PDE10A: variants seen among roughly 807,000 people sequenced by gnomAD.
PDE10A encodes phosphodiesterase 10A.
In PDE10A, 39 loss-of-function variants were observed where a neutral mutation model predicts 97.7. That is an observed-to-expected ratio of 0.40 (90% CI 0.31 to 0.52). PDE10A has a LOEUF of 0.52. PDE10A is among the 20% of genes least tolerant of loss of function. PDE10A has a pLI of 0.56. For missense variants in PDE10A, 731 were observed against 1,047.8 expected (o/e 0.70, Z 4.17); for synonymous variants, 371 against 376.8 (o/e 0.98, Z 0.18).
chr6:165,714,537 C>A (rs1373818995), intron 1 of PDE10A, among the ~76,000 whole-genome samples: 1 of 152,226 alleles, frequency 6.6e-6, no homozygotes, highest in Admixed American at 6.5e-5. Flanking sequence ...GATGTGGCAA[C>A]CCCAGGGGCT....
chr6:165,836,759 A>G (rs1409151451), intron 1 of PDE10A, among the ~76,000 whole-genome samples: 1 of 152,110 alleles, frequency 6.6e-6, no homozygotes, highest in African/African-American at 2.4e-5. Context: ...CTCCCATGGT[A>G]CCTCTGAATT....
intron 13 of PDE10A, among the ~76,000 whole-genome samples, chr6:165,404,523 C>T (rs1051362727): frequency 4.4e-4 from 67 of 152,026 alleles, no homozygotes; most frequent in African/African-American, 1.6e-3. Context: ...GAATTTCAAG[C>T]TAAAAACTTA....
chr6:165,435,193 T>C (rs766260875), intron 6 of PDE10A, 44 bp downstream of exon 6: 8 of 1,505,798 alleles, frequency 5.3e-6, no homozygotes, highest in Middle Eastern at 1.7e-4. Context: ...CTTAATTAAA[T>C]ACTTTAGGTC....
intron 1 of PDE10A, among the ~76,000 whole-genome samples, chr6:165,943,319 G>A (rs1377141992): frequency 0.011 from 1,073 of 101,392 alleles, 81 homozygotes; most frequent in South Asian, 0.016. Flanking sequence ...AGGAAGGAAG[G>A]AAAGAAAGAA....
At chr6:165,389,246 A>G (rs1785514250) in intron 16 of PDE10A, among the ~76,000 whole-genome samples, 1 of 152,200 alleles carries the variant, frequency 6.6e-6, no homozygotes, top group African/African-American at 2.4e-5. Context: ...CAGTGTTACC[A>G]TCTTGCTTAT....
At chr6:165,490,750 T>C (rs1047216262) in intron 2 of PDE10A, among the ~76,000 whole-genome samples, 24 of 151,184 alleles carry the variant, frequency 1.6e-4, no homozygotes, top group African/African-American at 5.6e-4. Context: ...AGGACAGGAG[T>C]TCAAGACCAG....
intron 1 of PDE10A, among the ~76,000 whole-genome samples, chr6:165,795,228 C>A (rs143617008): frequency 6.6e-6 from 1 of 152,318 alleles, no homozygotes; most frequent in Admixed American, 6.5e-5. Context: ...TTTCTCTCTT[C>A]TCTACTTTTC....
chr6:165,523,340 G>A (rs1782243074), intron 2 of PDE10A, among the ~76,000 whole-genome samples: 1 of 152,084 alleles, frequency 6.6e-6, no homozygotes, highest in Non-Finnish European at 1.5e-5. Context: ...GAACATGGCT[G>A]GAGGCATCAC....
At chr6:165,550,690 G>A (rs1040669187) in intron 1 of PDE10A, among the ~76,000 whole-genome samples, 2 of 152,048 alleles carry the variant, frequency 1.3e-5, no homozygotes, top group African/African-American at 4.8e-5. Context: ...ATAAACCCAG[G>A]GGGCAAAACT....
At chr6:165,341,308 A>G (rs1781954095) in intron 19 of PDE10A, among the ~76,000 whole-genome samples, 1 of 152,178 alleles carries the variant, frequency 6.6e-6, no homozygotes, top group African/African-American at 2.4e-5. Context: ...AAACATCTCC[A>G]TTACATATTG....
chr6:165,533,913 A>C (rs1404428413), intron 2 of PDE10A, among the ~76,000 whole-genome samples: 2 of 152,166 alleles, frequency 1.3e-5, no homozygotes, highest in Non-Finnish European at 2.9e-5. Context: ...TTAATCTATA[A>C]AATTATCAAA....
chr6:165,517,498 T>C (rs1284010636), intron 2 of PDE10A, among the ~76,000 whole-genome samples: 2 of 152,184 alleles, frequency 1.3e-5, no homozygotes, highest in African/African-American at 4.8e-5. Flanking sequence ...TTCCCCCAAA[T>C]TGGAAATAAT....
chr6:165,594,861 C>T (rs976602843), intron 1 of PDE10A, among the ~76,000 whole-genome samples: 2 of 152,130 alleles, frequency 1.3e-5, no homozygotes, highest in Non-Finnish European at 2.9e-5. Flanking sequence ...AGCCAAAGAA[C>T]CATATACTCA....
chr6:165,416,178 CT>C lies in PDE10A; in HGVS notation c.1889+10del, dbSNP rs780859996. On this transcript the variant is annotated intron_variant, in intron 12 of 21. Coordinates refer to ENST00000539869, the MANE Select transcript of PDE10A (RefSeq NM_001385079.1). ...GAAATCAATGGAGTGTCGACATCAGCTATTTCTTACCTGTTAAAGCGTGGGT... is the reference window on the plus strand; with the variant it reads ...GAAATCAATGGAGTGTCGACATCAGCATTTCTTACCTGTTAAAGCGTGGGT... 19 of 1,543,208 alleles carry C rather than the reference CT, an allele frequency of 1.2e-5. No individual in the cohort carries two copies. The East Asian group carries it at 4.0e-4, about 33-fold the overall frequency.
intron 3 of PDE10A, among the ~76,000 whole-genome samples, chr6:165,480,840 A>G (rs1198713578): frequency 1.3e-5 from 2 of 152,174 alleles, no homozygotes; most frequent in African/African-American, 4.8e-5. Flanking sequence ...TATTAGTCAA[A>G]TAAGTATTGA....
At chr6:165,977,038 A>G (rs1784870691) in intron 1 of PDE10A, among the ~76,000 whole-genome samples, 1 of 152,210 alleles carries the variant, frequency 6.6e-6, no homozygotes, top group Non-Finnish European at 1.5e-5. Flanking sequence ...AAAGTTCTCT[A>G]TCTTGTTACA....
intron 2 of PDE10A, among the ~76,000 whole-genome samples, chr6:165,482,892 TG>T (rs778410709): frequency 1.5e-4 from 23 of 152,202 alleles, no homozygotes; most frequent in Non-Finnish European, 2.6e-4. Context: ...TATACCAGCT[TG>T]TCAGCATTGG....
At chr6:165,369,472 G>C (rs1371034453) in intron 18 of PDE10A, among the ~76,000 whole-genome samples, 1 of 149,154 alleles carries the variant, frequency 6.7e-6, no homozygotes, top group Non-Finnish European at 1.5e-5. Context: ...TGGAAGAAAG[G>C]GTATCAGCAA....
intron 10 of PDE10A, among the ~76,000 whole-genome samples, chr6:165,426,362 C>T (rs1044857009): frequency 3.3e-5 from 5 of 152,088 alleles, no homozygotes; most frequent in African/African-American, 7.2e-5. Flanking sequence ...CAGCATCCAG[C>T]GTCCAGAAAG....
Sources: allele counts gnomAD v4.1 joint callset (sites outside exome capture counted in the v4.1 genomes callset), GRCh38; gene constraint gnomAD v4.1.1; transcripts MANE v1.5; gene names NCBI Gene and HGNC (gene_info 2026-07-23, HGNC 2026-07-21).